Variants in PAPPA2 observed in about 807,000 individuals in gnomAD.
The protein encoded by PAPPA2 is pappalysin-2.
In PAPPA2, 86 loss-of-function variants were observed where a neutral mutation model predicts 176.4. The ratio of observed to expected loss-of-function variants is 0.49; its 90% CI spans 0.41 to 0.58. The LOEUF (loss-of-function observed/expected upper bound fraction) is 0.58. Ranked by LOEUF, PAPPA2 falls within the 20% of genes least tolerant of loss-of-function variation. The pLI is 0.00. For missense variants in PAPPA2, 2,073 were observed against 2,256.9 expected (o/e 0.92, Z 1.65); for synonymous variants, 809 against 852.2 (o/e 0.95, Z 0.88).
At chr1:176,743,390 T>TTCTACTGA (rs1662771242) in intron 14 of PAPPA2, among the ~76,000 whole-genome samples, 1 of 152,218 alleles carries the variant, frequency 6.6e-6, no homozygotes, top group African/African-American at 2.4e-5. Context: ...TTTGAGCTTA[T>TTCTACTGA]TCTACTGATC....
At chr1:176,623,708 T>TCTC (rs1655803175) in intron 3 of PAPPA2, among the ~76,000 whole-genome samples, 1 of 108,688 alleles carries the variant, frequency 9.2e-6, no homozygotes, top group Non-Finnish European at 1.8e-5. Context: ...CTTTCTTTCT[T>TCTC]TTCTTCTTTC....
Position 176,791,580 on chromosome 1 carries a change from G to A in PAPPA2, c.5020+98G>A, listed in dbSNP as rs1306821185. 5 of 1,374,446 alleles carry A rather than the reference G, an allele frequency of 3.6e-6. No individual in the cohort carries two copies. The African/African-American group carries it at 7.3e-5, about 20-fold the overall frequency. The allele number at this position is 1,374,446 out of a possible 1,614,324, so 85.1% of individuals were successfully genotyped here. The stretch of plus-strand genomic sequence containing the variant: ...ATTTTATTTATTTTTGTCAGACGGA[G>A]TCTTGCTCTGTCGCCCAGGCTGGGG... On this transcript the variant is annotated intron_variant, in intron 19 of 22. Transcript: ENST00000367662.
chr1:176,794,245 A>AGAATGAG (rs770239543), intron 20 of PAPPA2, among the ~76,000 whole-genome samples: 8 of 152,214 alleles, frequency 5.3e-5, no homozygotes, highest in Non-Finnish European at 1.0e-4. Flanking sequence ...CATAAAAGGA[A>AGAATGAG]GAATGAGGTC....
Position 176,844,935 on chromosome 1 carries a change from T to G in PAPPA2, c.*2481T>G, listed in dbSNP as rs923436030. The G allele has an allele frequency of 5.3e-5, 8 of 152,176 alleles. No individual in the cohort carries two copies. The highest frequency in any genetic ancestry group is 1.9e-4 in the African/African-American group (8 of 41,444). The allele number at this position is 152,176 out of a possible 1,614,324, so 9.4% of individuals were successfully genotyped here. On this transcript the variant is annotated 3_prime_UTR_variant, in exon 23 of 23. Coordinates refer to ENST00000367662, the MANE Select transcript of PAPPA2 (RefSeq NM_020318.3). ...TTTATTATCTGCAATTCACCACTGC[T>G]CTGGGAAAGCAAAAGGAAAGTTCCT...
chr1:176,830,442 A>G (rs569747081), intron 21 of PAPPA2, among the ~76,000 whole-genome samples: 23 of 152,306 alleles, frequency 1.5e-4, no homozygotes, highest in African/African-American at 5.3e-4. Flanking sequence ...GGAAAAGGGA[A>G]CAGAAAAGAG....
At chr1:176,516,148 A>T (rs1648896895) in intron 1 of PAPPA2, among the ~76,000 whole-genome samples, 2 of 151,820 alleles carry the variant, frequency 1.3e-5, no homozygotes, top group South Asian at 4.2e-4. Flanking sequence ...GAGCCCCCAA[A>T]CCATTTCCTC....
chr1:176,614,906 A>C (rs78294070), intron 3 of PAPPA2, among the ~76,000 whole-genome samples: 2 of 152,168 alleles, frequency 1.3e-5, no homozygotes, highest in African/African-American at 4.8e-5. Flanking sequence ...AAAATATTAG[A>C]TGTCTTATCA....
chr1:176,486,839 G>T (rs72715182), intron 1 of PAPPA2, among the ~76,000 whole-genome samples: 1 of 152,248 alleles, frequency 6.6e-6, no homozygotes, highest in African/African-American at 2.4e-5. Flanking sequence ...TGGAGAGCCC[G>T]TGAGGACTTC....
At chr1:176,603,878 A>G (rs1177223216) in intron 3 of PAPPA2, among the ~76,000 whole-genome samples, 2 of 152,172 alleles carry the variant, frequency 1.3e-5, no homozygotes, top group Non-Finnish European at 1.5e-5. Flanking sequence ...TATAACTCAG[A>G]TCAAGTCATT....
intron 3 of PAPPA2, among the ~76,000 whole-genome samples, chr1:176,662,582 TA>T (rs1658417244): frequency 6.6e-6 from 1 of 152,024 alleles, no homozygotes; most frequent in African/African-American, 2.4e-5. Flanking sequence ...TTTTTTACTC[TA>T]TTTTTTAACC....
Position 176,793,565 on chromosome 1 carries a change from G to A in PAPPA2, c.5026G>A (p.Val1676Met), listed in dbSNP as rs535965276. Residue 1676 changes from valine (V) to methionine (M), a missense_variant, in exon 20 of 23, where the codon GTG (valine) becomes ATG (methionine). Physicochemically the swap from Val to Met is conservative, Grantham distance 21. Coordinates refer to ENST00000367662, the MANE Select transcript of PAPPA2 (RefSeq NM_020318.3). Reference protein sequence around the residue: ...KCEQGYGIGAVCSPLCVIPPS... With the variant: ...KCEQGYGIGAMCSPLCVIPPS... ...GTAAACTTCTGTTCTTTCAGGTGCAGTGTGTTCCCCATTGTGTGTAATCCC... is the reference window on the plus strand; with the variant it reads ...GTAAACTTCTGTTCTTTCAGGTGCAATGTGTTCCCCATTGTGTGTAATCCC... 1.9e-6 allele frequency: 3 copies of A among 1,608,166 alleles called. No homozygotes were observed. The highest frequency in any genetic ancestry group is 8.5e-7 in the Non-Finnish European group (1 of 1,175,216).
Position 176,769,795 on chromosome 1 carries a change from G to T in PAPPA2, c.4501+11G>T. 1.3e-6 allele frequency: 2 copies of T among 1,593,396 alleles called. No homozygotes were observed. Among genetic ancestry groups the T allele is most frequent in the East Asian group, 2.2e-5 (1 of 44,658 alleles). Reference sequence around the variant, plus strand: ...CAGCCAAGCTGCAAGGTATTGTCTGGTCAACCAGGAACTGTATGCAAGTTC... The same window carrying T: ...CAGCCAAGCTGCAAGGTATTGTCTGTTCAACCAGGAACTGTATGCAAGTTC... On this transcript the variant is annotated intron_variant, in intron 16 of 22. Coordinates refer to ENST00000367662, the MANE Select transcript of PAPPA2 (RefSeq NM_020318.3).
At chr1:176,531,386 G>A (rs555833135) in intron 1 of PAPPA2, among the ~76,000 whole-genome samples, 1 of 152,332 alleles carries the variant, frequency 6.6e-6, no homozygotes, top group African/African-American at 2.4e-5. Context: ...CTGGGCGCTA[G>A]GGTGTATAGA....
At chr1:176,796,795 T>C (rs1036604065) in intron 20 of PAPPA2, among the ~76,000 whole-genome samples, 4 of 150,986 alleles carry the variant, frequency 2.6e-5, no homozygotes, top group Non-Finnish European at 4.4e-5. Context: ...TCTGTCTTTC[T>C]TCCTCCCTCT....
chr1:176,695,644 T>C (rs2102813330), intron 6 of PAPPA2, 94 bp from the exon 7 acceptor site: 1 of 1,422,750 alleles, frequency 7.0e-7, no homozygotes, highest in East Asian at 2.3e-5. Context: ...CATCAACCCC[T>C]GCCCTCCCCA....
At chr1:176,536,804 T>C (rs1222295052) in intron 1 of PAPPA2, among the ~76,000 whole-genome samples, 1 of 152,092 alleles carries the variant, frequency 6.6e-6, no homozygotes, top group Non-Finnish European at 1.5e-5. Flanking sequence ...CAAAGTCCAA[T>C]CCAGGAAAGA....
At chr1:176,702,178 C>T (rs1010462007) in intron 8 of PAPPA2, among the ~76,000 whole-genome samples, 5 of 152,214 alleles carry the variant, frequency 3.3e-5, no homozygotes, top group Admixed American at 6.5e-5. Flanking sequence ...AAACTATGAT[C>T]GCAGACCCAA....
chr1:176,780,443 G>A (rs1262954377), intron 17 of PAPPA2, among the ~76,000 whole-genome samples: 1 of 152,160 alleles, frequency 6.6e-6, no homozygotes, highest in East Asian at 1.9e-4. Flanking sequence ...AGGTAGAAAA[G>A]AGAGGGAGGG....
intron 12 of PAPPA2, among the ~76,000 whole-genome samples, chr1:176,715,074 ACT>A (rs1243071522): frequency 6.6e-6 from 1 of 151,890 alleles, no homozygotes; most frequent in Non-Finnish European, 1.5e-5. Flanking sequence ...GTTAGGTGAA[ACT>A]CTGCCTCACT....
Sources: gnomAD v4.1 joint callset for allele counts (sites outside exome capture counted in the v4.1 genomes callset) on GRCh38, gnomAD v4.1.1 for gene constraint, MANE v1.5 for transcripts, NCBI Gene and HGNC (gene_info 2026-07-23, HGNC 2026-07-21) for gene names.